Variants in ALDH1A1 observed in about 807,000 individuals in gnomAD.
ALDH1A1 encodes the protein aldehyde dehydrogenase 1A1.
Under a neutral mutation model 62.1 loss-of-function variants are expected in ALDH1A1, and 19 were observed. That is an observed-to-expected ratio of 0.31 (90% CI 0.21 to 0.45). ALDH1A1 has a LOEUF of 0.45. Ranked by LOEUF, ALDH1A1 falls within the 20% of genes least tolerant of loss-of-function variation. ALDH1A1 has a pLI of 1.00. For synonymous variants in ALDH1A1, 231 were observed against 215.9 expected (o/e 1.07, Z -0.61); for missense variants, 521 against 607.1 (o/e 0.86, Z 1.49).
intron 2 of ALDH1A1, 135 bp from the exon 3 acceptor site, chr9:72,931,154 A>G (rs1191156906): frequency 5.8e-6 from 5 of 866,764 alleles, no homozygotes; most frequent in Non-Finnish European, 8.7e-6. Context: ...AGTCTAACAC[A>G]TTGCGCACAT....
chr9:72,942,229 C>T (rs1045835461), intron 1 of ALDH1A1: 9 of 859,022 alleles, frequency 1.0e-5, no homozygotes, highest in African/African-American at 3.7e-5. Context: ...AGAGTGTTTC[C>T]ATTTATGCCC....
At chr9:72,936,330 T>G (rs1241365172) in intron 2 of ALDH1A1, among the ~76,000 whole-genome samples, 2 of 152,170 alleles carry the variant, frequency 1.3e-5, no homozygotes, top group Non-Finnish European at 2.9e-5. Context: ...TAGAGATTTG[T>G]TTTCCTAATA....
rs139392024 is a variant in ALDH1A1 at position 72,942,447 on chromosome 9, T to C, written c.67-2195A>G. 106 of 878,520 alleles carry C rather than the reference T, an allele frequency of 1.2e-4. 1 individual carries two copies. Among genetic ancestry groups the C allele is most frequent in the Non-Finnish European group, 1.0e-4 (76 of 732,466 alleles). 54.4% of individuals were successfully genotyped at this position (878,520 alleles called of 1,614,324 possible). A position where few individuals can be genotyped will look rare whatever the true frequency, so the allele number is the denominator to read the frequency against. ...CAAATAATCCCTAGGTACCCTTTTGTATCACTTTGTTCTATACAAGTATAA... is the reference window on the plus strand; with the variant it reads ...CAAATAATCCCTAGGTACCCTTTTGCATCACTTTGTTCTATACAAGTATAA... On this transcript the variant is annotated intron_variant, in intron 1 of 12. Transcript: ENST00000297785.
intron 8 of ALDH1A1, 47 bp downstream of exon 8, chr9:72,918,673 C>G: frequency 1.6e-6 from 1 of 636,172 alleles, no homozygotes; most frequent in Non-Finnish European, 2.3e-6. Context: ...TTATCAGACA[C>G]CAAAAACGAT....
At chr9:72,921,945 G>A (rs992666958) in intron 7 of ALDH1A1, among the ~76,000 whole-genome samples, 2 of 152,056 alleles carry the variant, frequency 1.3e-5, no homozygotes, top group Admixed American at 6.6e-5. Context: ...GAGGGAACGT[G>A]TGGGAGCAAG....
At chr9:72,941,973 T>G (rs1178262264) in intron 1 of ALDH1A1, among the ~76,000 whole-genome samples, 2 of 151,982 alleles carry the variant, frequency 1.3e-5, no homozygotes, top group African/African-American at 2.4e-5. Flanking sequence ...AATACATATA[T>G]GGGGAAATGA....
chr9:72,949,682 T>TGC (rs1830516870), intron 1 of ALDH1A1, among the ~76,000 whole-genome samples: 1 of 151,482 alleles, frequency 6.6e-6, no homozygotes, highest in Non-Finnish European at 1.5e-5. Context: ...TGTGTGTGTG[T>TGC]GTATGTATGA....
intron 7 of ALDH1A1, among the ~76,000 whole-genome samples, chr9:72,921,114 G>C (rs1830136314): frequency 6.6e-6 from 1 of 152,060 alleles, no homozygotes; most frequent in African/African-American, 2.4e-5. Context: ...GGGCGTGGTG[G>C]TGGGCGCCTG....
chr9:72,942,371 A>G, intron 1 of ALDH1A1: 1 of 985,292 alleles, frequency 1.0e-6, no homozygotes, highest in Non-Finnish European at 1.2e-6. Context: ...GCTCATGCAC[A>G]CTGTCCCCCA....
intron 12 of ALDH1A1, 121 bp downstream of exon 12, chr9:72,905,837 G>C: frequency 1.4e-6 from 1 of 739,496 alleles, no homozygotes; most frequent in South Asian, 2.2e-5. Flanking sequence ...TTGGTGCTAT[G>C]AATCTCCAGG....
At position 72,918,721 on chromosome 9, in the gene ALDH1A1, G is replaced by A; in HGVS notation, c.849C>T (p.Asp283=). The A allele has an allele frequency of 6.3e-7, 1 of 1,589,316 alleles. No homozygotes were observed. Among genetic ancestry groups the A allele is most frequent in the Non-Finnish European group, 8.6e-7 (1 of 1,168,406 alleles). ...GTTAACAAAGTGGTTTCTACTCACAGTCGGCATCAGCTAACACAATGCAAG... is the reference window on the plus strand; with the variant it reads ...GTTAACAAAGTGGTTTCTACTCACAATCGGCATCAGCTAACACAATGCAAG... ...KSPCIVLADA[D]LDNAVEFAHH... Residue 283 remains aspartate, a splice_region_variant and synonymous_variant, in exon 8 of 13, where the codon GAC becomes GAT. Coordinates refer to ENST00000297785, the MANE Select transcript of ALDH1A1 (RefSeq NM_000689.5).
chr9:72,939,349 G>A (rs1379303675), intron 2 of ALDH1A1, among the ~76,000 whole-genome samples: 3 of 151,962 alleles, frequency 2.0e-5, no homozygotes, highest in Non-Finnish European at 1.5e-5. Flanking sequence ...AAATAACAAC[G>A]CTTGTAATTT....
At chr9:72,927,511 C>T (rs1046643149) in intron 4 of ALDH1A1, among the ~76,000 whole-genome samples, 9 of 152,238 alleles carry the variant, frequency 5.9e-5, no homozygotes, top group Admixed American at 1.3e-4. Context: ...ATTAATTCCA[C>T]CTTTCATCTT....
chr9:72,934,443 C>A (rs1830322521), intron 2 of ALDH1A1, among the ~76,000 whole-genome samples: 1 of 152,128 alleles, frequency 6.6e-6, no homozygotes, highest in South Asian at 2.1e-4. Flanking sequence ...TCCCTTTCAT[C>A]TACAATCTCA....
At chr9:72,932,359 T>A (rs1056285350) in intron 2 of ALDH1A1, among the ~76,000 whole-genome samples, 3 of 152,124 alleles carry the variant, frequency 2.0e-5, no homozygotes, top group African/African-American at 7.2e-5. Context: ...AACATCCTCC[T>A]CCTTAGGCTA....
chr9:72,944,122 C>G (rs2309779), intron 1 of ALDH1A1, among the ~76,000 whole-genome samples: 46,943 of 151,780 alleles, frequency 0.31, 7,395 homozygotes, highest in East Asian at 0.51. Flanking sequence ...AGTTTAGGCT[C>G]TATTCTGGAT....
intron 10 of ALDH1A1, among the ~76,000 whole-genome samples, chr9:72,910,426 C>A (rs1164646312): frequency 6.6e-6 from 1 of 152,050 alleles, no homozygotes; most frequent in Non-Finnish European, 1.5e-5. Context: ...CATTCTAAAC[C>A]ATCCTATTCT....
chr9:72,934,055 C>A (rs149066027), intron 2 of ALDH1A1, among the ~76,000 whole-genome samples: 2 of 152,036 alleles, frequency 1.3e-5, no homozygotes, highest in Non-Finnish European at 2.9e-5. Flanking sequence ...CTTGACCTTC[C>A]GAAGTGCTAT....
chr9:72,927,339 G>A (rs1014237531), intron 4 of ALDH1A1, among the ~76,000 whole-genome samples, 162 bp from the exon 5 acceptor site: 4 of 152,180 alleles, frequency 2.6e-5, no homozygotes, highest in Non-Finnish European at 5.9e-5. Flanking sequence ...TTGGGAGGCC[G>A]AGGCAGGCAG....
Sources: allele counts gnomAD v4.1 joint callset (sites outside exome capture counted in the v4.1 genomes callset), GRCh38; gene constraint gnomAD v4.1.1; transcripts MANE v1.5; gene names NCBI Gene and HGNC (gene_info 2026-07-23, HGNC 2026-07-21).